Variants in TENM2 observed in about 807,000 individuals in gnomAD.
TENM2 encodes teneurin-2.
TENM2 carries 52 observed loss-of-function variants against 245.2 expected under a neutral mutation model. That is an observed-to-expected ratio of 0.21 (90% CI 0.17 to 0.27). The LOEUF (loss-of-function observed/expected upper bound fraction) is 0.27, where lower values mean the gene tolerates loss of function less well. Ranked by LOEUF, TENM2 falls within the 10% of genes least tolerant of loss-of-function variation. TENM2 has a pLI of 1.00. For synonymous variants in TENM2, 1,363 were observed against 1,438.9 expected, an observed-to-expected ratio of 0.95 and a Z score of 1.19; for missense variants, 3,046 against 3,666.8, an observed-to-expected ratio of 0.83 and a Z score of 4.37.
intron 2 of TENM2, among the ~76,000 whole-genome samples, chr5:167,560,240 G>C (rs969095637): frequency 6.6e-6 from 1 of 152,138 alleles, no homozygotes; most frequent in Non-Finnish European, 1.5e-5. Context: ...TACATTGAAG[G>C]CTGTGGTCCC....
chr5:168,076,642 G>A (rs567843932), intron 7 of TENM2, among the ~76,000 whole-genome samples: 2 of 152,260 alleles, frequency 1.3e-5, no homozygotes, highest in South Asian at 4.2e-4. Flanking sequence ...TGTATCCCCA[G>A]TACACAGAGC....
At chr5:167,037,769 C>T in the TENM2 span, among the ~76,000 whole-genome samples, 1 of 152,156 alleles carries the variant, frequency 6.6e-6, no homozygotes, top group East Asian at 1.9e-4. Flanking sequence ...GAGGTACAGG[C>T]ACTTGTGAAG....
chr5:168,191,234 C>G (rs1232873293), intron 14 of TENM2, among the ~76,000 whole-genome samples: 1 of 152,124 alleles, frequency 6.6e-6, no homozygotes. Flanking sequence ...TCAACTTCAC[C>G]CCAGGACAAG....
At chr5:167,467,516 G>A (rs888224159) in intron 2 of TENM2, among the ~76,000 whole-genome samples, 32 of 145,710 alleles carry the variant, frequency 2.2e-4, no homozygotes, top group Admixed American at 4.8e-4. Context: ...TCTTGTTTGA[G>A]AAAAAAAAAA....
intron 2 of TENM2, among the ~76,000 whole-genome samples, chr5:167,603,458 G>A (rs1200096340): frequency 6.6e-6 from 1 of 152,160 alleles, no homozygotes; most frequent in African/African-American, 2.4e-5. Flanking sequence ...CGAGGTGGGT[G>A]CATCATTTGA....
chr5:167,431,970 T>TATGTATATATATATATATATAC (rs1764278227), intron 2 of TENM2, among the ~76,000 whole-genome samples: 3 of 135,524 alleles, frequency 2.2e-5, no homozygotes, highest in Non-Finnish European at 4.7e-5. Context: ...TGTATATATA[T>TATGTATATATATATATATATAC]ATATATATGG....
At chr5:168,198,188 CTTTTTTTT>C (rs35539116) in intron 15 of TENM2, among the ~76,000 whole-genome samples, 2 of 95,850 alleles carry the variant, frequency 2.1e-5, no homozygotes, top group African/African-American at 9.4e-5. Context: ...CCAATGAACC[CTTTTTTTT>C]TTTTTTTTTT....
chr5:167,392,697 T>C (rs186934674), intron 2 of TENM2, among the ~76,000 whole-genome samples: 2 of 152,334 alleles, frequency 1.3e-5, no homozygotes, highest in Admixed American at 6.5e-5. Context: ...TATTCTATTA[T>C]TTTTGTTTCT....
chr5:167,534,334 A>G (rs1410654688), intron 2 of TENM2, among the ~76,000 whole-genome samples: 2 of 152,186 alleles, frequency 1.3e-5, no homozygotes, highest in African/African-American at 4.8e-5. Context: ...TTTGCATTTC[A>G]AAGAGCGTGA....
At chr5:167,131,115 G>A in the TENM2 span, among the ~76,000 whole-genome samples, 1 of 152,034 alleles carries the variant, frequency 6.6e-6, no homozygotes, top group African/African-American at 2.4e-5. Flanking sequence ...ACAACGAAAC[G>A]CTTCCTGGCT....
chr5:167,975,662 A>T (rs540166818), intron 4 of TENM2, among the ~76,000 whole-genome samples: 3 of 152,176 alleles, frequency 2.0e-5, no homozygotes, highest in Admixed American at 2.0e-4. Flanking sequence ...TTTCATGAAG[A>T]GTTCTAAATA....
At chr5:167,805,612 A>G (rs774030643) in intron 2 of TENM2, among the ~76,000 whole-genome samples, 6 of 152,176 alleles carry the variant, frequency 3.9e-5, no homozygotes, top group Admixed American at 1.3e-4. Flanking sequence ...GTGGCAGTAA[A>G]TAGTGATCAA....
intron 2 of TENM2, among the ~76,000 whole-genome samples, chr5:167,774,214 GAGGAAGGA>G (rs200752272): frequency 3.7e-4 from 41 of 111,420 alleles, no homozygotes; most frequent in Admixed American, 1.0e-3. Context: ...GGGAGGGAGG[GAGGAAGGA>G]AGGAAGGAAG....
chr5:167,799,092 C>T (rs905898081), intron 2 of TENM2, among the ~76,000 whole-genome samples: 3 of 152,140 alleles, frequency 2.0e-5, no homozygotes, highest in African/African-American at 7.2e-5. Context: ...CCTATAGTGG[C>T]CCTCCTGCTC....
exon 15 of TENM2, chr5:168,195,254 G>A: frequency 1.9e-6 from 3 of 1,606,024 alleles, no homozygotes; most frequent in Non-Finnish European, 2.6e-6. Context: ...CTTTTGTCAA[G>A]TACCCAAAAT....
intron 12 of TENM2, among the ~76,000 whole-genome samples, chr5:168,157,476 A>C (rs1233889236): frequency 6.6e-6 from 1 of 152,160 alleles, no homozygotes; most frequent in Non-Finnish European, 1.5e-5. Flanking sequence ...ATCTGGACCA[A>C]AGATGAGGGT....
At chr5:167,212,480 C>T in the TENM2 span, among the ~76,000 whole-genome samples, 1 of 152,078 alleles carries the variant, frequency 6.6e-6, no homozygotes, top group Non-Finnish European at 1.5e-5. Context: ...GTTATTGTGT[C>T]CATGATTAAA....
Position 168,115,359 on chromosome 5 carries a change from G to GGGAAGGAAGGAAGGAAGGAA in TENM2, c.1814-2902_1814-2883dup, listed in dbSNP as rs55973990. Among the ~76,000 whole-genome samples the GGGAAGGAAGGAAGGAAGGAA allele has an allele frequency of 2.9e-3, 206 of 71,616 alleles. 2 individuals carry two copies. The highest frequency in any genetic ancestry group is 0.025 in the East Asian group (34 of 1,356). The allele number at this position is 71,616 out of a possible 152,430, so 47.0% of individuals were successfully genotyped here. A position where few individuals can be genotyped will look rare whatever the true frequency, so the allele number is the denominator to read the frequency against. On this transcript the variant is annotated intron_variant, in intron 9 of 28. Transcript: ENST00000518659. ...GGAAGGAAGGAAAGGAGGGAAGGAA[G>GGGAAGGAAGGAAGGAAGGAA]GGAAGGAAGGAAGGAAGGAAGGAAG... is the stretch of plus-strand genomic sequence containing the variant.
intron 2 of TENM2, among the ~76,000 whole-genome samples, chr5:167,515,628 TACATATATATGTATATATATAC>T (rs1770290970): frequency 7.0e-6 from 1 of 142,178 alleles, no homozygotes; most frequent in South Asian, 2.1e-4. Flanking sequence ...TACATATATA[TACATATATATGTATATATATAC>T]ACATATATAC....
Sources: gnomAD v4.1 joint callset for allele counts (sites outside exome capture counted in the v4.1 genomes callset) on GRCh38, gnomAD v4.1.1 for gene constraint, MANE v1.5 for transcripts, NCBI Gene and HGNC (gene_info 2026-07-23, HGNC 2026-07-21) for gene names.